Variants in COL23A1 observed in about 807,000 individuals in gnomAD.
COL23A1 encodes collagen type XXIII alpha 1 chain.
A neutral mutation model predicts 99.3 loss-of-function variants in COL23A1; 97 were observed. The observed-to-expected ratio is 0.98, with a 90% CI of 0.83 to 1.16. The LOEUF is 1.16. Ranked by LOEUF, COL23A1 falls within the 50% of genes most tolerant of loss-of-function variation. The pLI, the probability that COL23A1 is intolerant of heterozygous loss-of-function variation, is 0.00. For synonymous variants in COL23A1, 320 were observed against 308.2 expected (o/e 1.04, Z -0.40); for missense variants, 762 against 757.4 (o/e 1.01, Z -0.07).
chr5:178,248,128 C>G (rs1029914332), intron 20 of COL23A1, 64 bp downstream of exon 20: 90 of 1,243,548 alleles, frequency 7.2e-5, no homozygotes, highest in Non-Finnish European at 1.0e-4. Flanking sequence ...TCCCAAGGCT[C>G]AGGGTCCCCA....
intron 8 of COL23A1, among the ~76,000 whole-genome samples, chr5:178,266,812 A>G (rs1004187825): frequency 5.9e-5 from 9 of 152,212 alleles, no homozygotes; most frequent in African/African-American, 2.2e-4. Context: ...CGCTCTCCGC[A>G]CTGCGGCTCC....
At chr5:178,349,027 C>T (rs1761148205) in intron 2 of COL23A1, among the ~76,000 whole-genome samples, 2 of 152,008 alleles carry the variant, frequency 1.3e-5, no homozygotes, top group South Asian at 2.1e-4. Flanking sequence ...ACACAGAAGG[C>T]GGCATTGTCT....
chr5:178,447,434 G>A (rs910179025), intron 2 of COL23A1, among the ~76,000 whole-genome samples: 20 of 152,144 alleles, frequency 1.3e-4, no homozygotes, highest in African/African-American at 4.3e-4. Context: ...ACGCATATAC[G>A]GCAGTGGTCC....
intron 2 of COL23A1, among the ~76,000 whole-genome samples, chr5:178,488,801 G>T (rs756584128): frequency 1.3e-5 from 2 of 152,172 alleles, no homozygotes; most frequent in Non-Finnish European, 2.9e-5. Flanking sequence ...GCTCCGTGAG[G>T]GTAGCTAAGG....
At chr5:178,518,697 G>T (rs1308902761) in intron 2 of COL23A1, among the ~76,000 whole-genome samples, 88 of 144,224 alleles carry the variant, frequency 6.1e-4, no homozygotes, top group African/African-American at 2.0e-3. Flanking sequence ...CATCCCAGAC[G>T]ATGGGCGGCC....
At chr5:178,268,831 C>T (rs1413690623) in intron 6 of COL23A1, 75 bp from the exon 7 acceptor site, 11 of 1,482,902 alleles carry the variant, frequency 7.4e-6, no homozygotes, top group African/African-American at 2.8e-5. Context: ...CTTCCCTATA[C>T]CTCTGAGGGC....
intron 2 of COL23A1, among the ~76,000 whole-genome samples, chr5:178,421,413 T>G (rs1316621494): frequency 6.6e-6 from 1 of 152,156 alleles, no homozygotes; most frequent in Non-Finnish European, 1.5e-5. Context: ...AGTAATTATA[T>G]CTGTGTAGGG....
Position 178,337,222 on chromosome 5 carries a change from T to TGC in COL23A1, c.362-30305_362-30304dup, listed in dbSNP as rs1416869258. On this transcript the variant is annotated intron_variant, in intron 2 of 28. Transcript: ENST00000390654. ...GGAGCCATCCTCCCCACAGCCTGCG[T>TGC]GCACTTGCTGGAGCGCAGAGACCCG... Among the ~76,000 whole-genome samples, 4 of 152,204 alleles carry TGC rather than the reference T, an allele frequency of 2.6e-5. No individual in the cohort carries two copies. The East Asian group carries it at 7.7e-4, about 29-fold the overall frequency.
chr5:178,532,273 C>A (rs1760690512), intron 2 of COL23A1, among the ~76,000 whole-genome samples: 1 of 152,226 alleles, frequency 6.6e-6, no homozygotes, highest in Non-Finnish European at 1.5e-5. Context: ...ACTTTAGTAA[C>A]CATGTCTTGG....
intron 2 of COL23A1, among the ~76,000 whole-genome samples, chr5:178,360,958 T>G (rs1425209952): frequency 1.3e-5 from 2 of 152,130 alleles, no homozygotes; most frequent in African/African-American, 4.8e-5. Flanking sequence ...AAGACGTTTT[T>G]GACATTCGGC....
chr5:178,252,025 T>C (rs948907989), intron 17 of COL23A1, among the ~76,000 whole-genome samples: 2 of 151,918 alleles, frequency 1.3e-5, no homozygotes, highest in African/African-American at 4.8e-5. Context: ...GCGATTCTCC[T>C]GCCTCAGCCT....
Position 178,307,951 on chromosome 5 carries a change from A to AT in COL23A1, c.362-1033dup, listed in dbSNP as rs1758453034. Among the ~76,000 whole-genome samples the AT allele has an allele frequency of 6.6e-6, 1 of 152,212 alleles. No individual in the cohort carries two copies. Among genetic ancestry groups the AT allele is most frequent in the Non-Finnish European group, 1.5e-5 (1 of 68,030 alleles). On this transcript the variant is annotated intron_variant, in intron 2 of 28. Coordinates refer to ENST00000390654, the MANE Select transcript of COL23A1 (RefSeq NM_173465.4). This position sits in a 1 kb window ranked among gnomAD's most constrained non-coding sequence, Gnocchi z 4.2. Reference sequence around the variant, plus strand: ...AATTTCCAGAACAACCACGAAGGAGATGCAGGAGACTGGCCCCGATCGCGT... The same window carrying AT: ...AATTTCCAGAACAACCACGAAGGAGATTGCAGGAGACTGGCCCCGATCGCGT...
rs563395918 is a variant in COL23A1, at chr5:178,296,562, G to A, written c.407-6193C>T. On this transcript the variant is annotated intron_variant, in intron 3 of 28. Coordinates refer to ENST00000390654, the MANE Select transcript of COL23A1 (RefSeq NM_173465.4). ...CCAGGCCCCCTTTCTTGGCCACGCC[G>A]TTTTTTTTTCCTACCACAGAAAGAG... is the stretch of plus-strand genomic sequence containing the variant. Among the ~76,000 whole-genome samples, 178 of 151,252 alleles carry A rather than the reference G, an allele frequency of 1.2e-3. 1 individual carries two copies. The highest frequency in any genetic ancestry group is 3.9e-3 in the African/African-American group (159 of 41,270).
At position 178,249,131 on chromosome 5, in the gene COL23A1, A is replaced by G; in HGVS notation, c.1135T>C (p.Leu379=). The G allele has an allele frequency of 6.2e-7, 1 of 1,614,172 alleles. No homozygotes were observed. The highest frequency in any genetic ancestry group is 8.5e-7 in the Non-Finnish European group (1 of 1,180,018). The change falls in exon 19 of 29, where the codon TTG becomes CTG. Residue 379 remains leucine, a synonymous_variant. Transcript: ENST00000390654. ...CAGCCACATACCGGGAGGCCGGACA[A>G]GCCCATCTCGCCTGCTTCCCCTTTG... ...GLKGEAGEMG[L]SGLPGADGLK...
chr5:178,562,042 C>G, intron 1 of COL23A1: 1 of 530,164 alleles, frequency 1.9e-6, no homozygotes, highest in Non-Finnish European at 3.7e-6. Flanking sequence ...CAAAGTGTGT[C>G]TGGAGTTGGT....
chr5:178,288,023 G>A (rs1343379529), intron 5 of COL23A1, among the ~76,000 whole-genome samples: 2 of 152,178 alleles, frequency 1.3e-5, no homozygotes, highest in African/African-American at 2.4e-5. Context: ...AGTGGAGCAC[G>A]CCACAGTGCG....
At position 178,340,392 on chromosome 5, in the gene COL23A1, C is replaced by T. The variant is rs933907317; in HGVS notation, c.362-33473G>A. On this transcript the variant is annotated intron_variant, in intron 2 of 28. Coordinates refer to ENST00000390654, the MANE Select transcript of COL23A1 (RefSeq NM_173465.4). This position sits in a 1 kb window ranked among gnomAD's most constrained non-coding sequence, Gnocchi z 4.7. ...GGGAAATAAAAGCTGGTCTCCTTGG[C>T]AATTAACGTTCACTTCTGCTTTTGC... 5.3e-5 allele frequency among the ~76,000 whole-genome samples: 8 copies of T among 152,194 alleles called. No homozygotes were observed. The highest frequency in any genetic ancestry group is 1.9e-4 in the African/African-American group (8 of 41,440).
intron 1 of COL23A1, chr5:178,561,890 G>C: frequency 3.1e-6 from 1 of 317,876 alleles, no homozygotes; most frequent in Middle Eastern, 1.1e-3. Flanking sequence ...CCAGGACCGG[G>C]AGACTTCACC....
intron 2 of COL23A1, among the ~76,000 whole-genome samples, chr5:178,367,499 C>G (rs1481599328): frequency 6.6e-6 from 1 of 152,154 alleles, no homozygotes; most frequent in Non-Finnish European, 1.5e-5. Context: ...ACTGGGGCTT[C>G]CCTTGGTGGC....
Sources: allele counts gnomAD v4.1 joint callset (sites outside exome capture counted in the v4.1 genomes callset), GRCh38; gene constraint gnomAD v4.1.1; non-coding constraint Gnocchi (gnomAD v3.1); transcripts MANE v1.5; gene names NCBI Gene and HGNC (gene_info 2026-07-23, HGNC 2026-07-21).